DST: variants seen among roughly 807,000 people sequenced by gnomAD.
The protein encoded by DST is dystonin.
In DST, 253 loss-of-function variants were observed where a neutral mutation model predicts 875.2. The ratio of observed to expected loss-of-function variants is 0.29; its 90% confidence interval spans 0.26 to 0.32. The LOEUF is 0.32. Ranked by LOEUF, DST falls within the 10% of genes least tolerant of loss-of-function variation. The pLI is 1.00. For synonymous variants in DST, 3,124 were observed against 3,197.1 expected (o/e 0.98, Z 0.77); for missense variants, 8,287 against 9,111.6 (o/e 0.91, Z 3.68).
rs1346528783 is a variant in DST at position 56,463,136 on chromosome 6, G to T, written c.22980C>A (p.Arg7660=). ...TTPKILHPLT[R]NYGKPWLTNS... ...TTGTCAACCATGGTTTACCATAATT[G>T]CGTGTTAAAGGATGGAGAATCTGTA... Residue 7660 remains arginine, a synonymous_variant, in exon 102 of 104, where the codon CGC becomes CGA. Transcript: ENST00000680361. 1 of 1,611,606 alleles carries T rather than the reference G, an allele frequency of 6.2e-7. No homozygotes were observed. Among genetic ancestry groups the T allele is most frequent in the Admixed American group, 1.7e-5 (1 of 59,986 alleles).
At chr6:56,557,602 A>C in intron 58 of DST, 84 bp from the exon 59 acceptor site, 6 of 1,029,450 alleles carry the variant, frequency 5.8e-6, no homozygotes, top group Non-Finnish European at 8.5e-6. Flanking sequence ...GGTATGATTT[A>C]AAATGATATA....
intron 4 of DST, among the ~76,000 whole-genome samples, chr6:56,747,148 C>T (rs2099575010): frequency 6.6e-6 from 1 of 152,126 alleles, no homozygotes; most frequent in Non-Finnish European, 1.5e-5. Flanking sequence ...AGTTTAATTG[C>T]CACAGAACAA....
intron 10 of DST, among the ~76,000 whole-genome samples, chr6:56,662,579 T>C (rs2099049894): frequency 6.6e-6 from 1 of 152,212 alleles, no homozygotes; most frequent in Non-Finnish European, 1.5e-5. Context: ...GCTGTGTCAC[T>C]TTTTCAGTTT....
At chr6:56,824,623 G>A (rs889379373) in intron 4 of DST, among the ~76,000 whole-genome samples, 3 of 151,548 alleles carry the variant, frequency 2.0e-5, no homozygotes, top group African/African-American at 4.9e-5. Flanking sequence ...CCGCTGCCCC[G>A]TCTGGGATGT....
At chr6:56,576,761 C>CT (rs1468809375) in intron 50 of DST, among the ~76,000 whole-genome samples, 1 of 152,082 alleles carries the variant, frequency 6.6e-6, no homozygotes, top group Non-Finnish European at 1.5e-5. Context: ...GAAATGATGT[C>CT]TCTCCACCAC....
At chr6:56,920,895 A>ATTTTTTTTTTTTTTT (rs35394550) in intron 2 of DST, among the ~76,000 whole-genome samples, 6 of 59,690 alleles carry the variant, frequency 1.0e-4, no homozygotes, top group Non-Finnish European at 1.9e-4. Flanking sequence ...CGCCCAGCTA[A>ATTTTTTTTTTTTTTT]TTTTTTTTTT....
chr6:56,782,257 TC>T (rs1214791594), intron 4 of DST, among the ~76,000 whole-genome samples: 3 of 152,222 alleles, frequency 2.0e-5, no homozygotes, highest in Non-Finnish European at 4.4e-5. Context: ...GAGGGAGGAT[TC>T]CCTCTTTTTC....
intron 3 of DST, among the ~76,000 whole-genome samples, chr6:56,879,984 A>G (rs572735555): frequency 1.3e-5 from 2 of 152,392 alleles, no homozygotes; most frequent in East Asian, 3.9e-4. Flanking sequence ...GTGCTATTGT[A>G]GCATATGATA....
At chr6:56,740,596 T>C (rs1040326191) in intron 4 of DST, among the ~76,000 whole-genome samples, 1 of 152,218 alleles carries the variant, frequency 6.6e-6, no homozygotes, top group African/African-American at 2.4e-5. Flanking sequence ...TATGTTTCCC[T>C]ACAAGGTTGC....
At chr6:56,926,256 C>T (rs1000441569) in intron 2 of DST, among the ~76,000 whole-genome samples, 2 of 152,126 alleles carry the variant, frequency 1.3e-5, no homozygotes, top group African/African-American at 4.8e-5. Flanking sequence ...TGTTGGGTCT[C>T]ATTTATTCAG....
chr6:56,553,802 C>A, intron 60 of DST, 147 bp from the exon 61 acceptor site: 2 of 726,432 alleles, frequency 2.8e-6, no homozygotes, highest in South Asian at 2.1e-5. Flanking sequence ...TACAAGTGAA[C>A]TTAAGTTATT....
At chr6:56,874,143 TA>T (rs1778624414) in intron 3 of DST, among the ~76,000 whole-genome samples, 1 of 151,992 alleles carries the variant, frequency 6.6e-6, no homozygotes, top group Non-Finnish European at 1.5e-5. Flanking sequence ...AAAAACCATG[TA>T]CCCCATAAAT....
At chr6:56,623,673 C>T (rs78467808) in intron 36 of DST, among the ~76,000 whole-genome samples, 14,022 of 152,098 alleles carry the variant, frequency 0.092, 1,245 homozygotes, top group African/African-American at 0.24. Flanking sequence ...CAACAACAGT[C>T]CAATTTAAAA....
chr6:56,707,958 A>G (rs1261862899), intron 5 of DST, among the ~76,000 whole-genome samples: 1 of 152,190 alleles, frequency 6.6e-6, no homozygotes, highest in Non-Finnish European at 1.5e-5. Flanking sequence ...TCATGAGGTC[A>G]GGAGTTTAAG....
chr6:56,665,363 G>T (rs1274254641), intron 10 of DST, among the ~76,000 whole-genome samples: 1 of 152,142 alleles, frequency 6.6e-6, no homozygotes, highest in Non-Finnish European at 1.5e-5. Context: ...GACTTTAGTT[G>T]TCAGTTGTAT....
At chr6:56,627,702 CA>C (rs1223055561) in intron 33 of DST, among the ~76,000 whole-genome samples, 1 of 152,060 alleles carries the variant, frequency 6.6e-6, no homozygotes, top group African/African-American at 2.4e-5. Context: ...CTATTGAGGC[CA>C]GCAAAGTGTC....
At chr6:56,851,692 G>T in intron 3 of DST, 88 bp from the exon 4 acceptor site, 1 of 1,550,122 alleles carries the variant, frequency 6.5e-7, no homozygotes. Flanking sequence ...AACCACCGCC[G>T]CCCTCCCTGC....
At chr6:56,704,704 T>TGCC (rs1181864523) in intron 5 of DST, among the ~76,000 whole-genome samples, 8 of 152,298 alleles carry the variant, frequency 5.3e-5, no homozygotes, top group Non-Finnish European at 1.5e-5. Flanking sequence ...CAGTGACCAG[T>TGCC]GCCACCTTAA....
intron 4 of DST, among the ~76,000 whole-genome samples, chr6:56,766,256 G>A (rs944406507): frequency 6.6e-6 from 1 of 152,166 alleles, no homozygotes; most frequent in African/African-American, 2.4e-5. Flanking sequence ...GAACACATGA[G>A]TATAATGTCT....
Sources: allele counts gnomAD v4.1 joint callset (sites outside exome capture counted in the v4.1 genomes callset), GRCh38; gene constraint gnomAD v4.1.1; transcripts MANE v1.5; gene names NCBI Gene and HGNC (gene_info 2026-07-23, HGNC 2026-07-21).